Variants in JAK2 observed in about 807,000 individuals in gnomAD.
JAK2 encodes the protein tyrosine-protein kinase JAK2.
JAK2 carries 86 observed loss-of-function variants against 139.3 expected under a neutral mutation model. The observed-to-expected ratio is 0.62, with a 90% confidence interval of 0.52 to 0.74. The LOEUF is 0.74. JAK2 is among the 30% of genes least tolerant of loss of function. JAK2 has a pLI of 0.00. For missense variants in JAK2, 1,421 were observed against 1,360.3 expected, an observed-to-expected ratio of 1.04 and a Z score of -0.70; for synonymous variants, 490 against 437.7, an observed-to-expected ratio of 1.12 and a Z score of -1.49.
chr9:5,121,322 G>C (rs984261941), intron 22 of JAK2, among the ~76,000 whole-genome samples: 1 of 152,152 alleles, frequency 6.6e-6, no homozygotes, highest in Non-Finnish European at 1.5e-5. Context: ...TTTCATTCAA[G>C]TTCTTAGGAT....
At chr9:5,049,839 C>A (rs1416064796) in intron 5 of JAK2, among the ~76,000 whole-genome samples, 1 of 152,168 alleles carries the variant, frequency 6.6e-6, no homozygotes, top group African/African-American at 2.4e-5. Context: ...CTCTAGGCTA[C>A]AAACTTATAT....
At chr9:5,048,716 GA>G (rs1817203914) in intron 5 of JAK2, among the ~76,000 whole-genome samples, 1 of 151,988 alleles carries the variant, frequency 6.6e-6, no homozygotes. Context: ...TTTATTAATA[GA>G]AAAGCAAATA....
intron 19 of JAK2, 42 bp downstream of exon 19, chr9:5,081,903 AT>A: frequency 6.6e-7 from 1 of 1,518,780 alleles, no homozygotes; most frequent in South Asian, 1.2e-5. Flanking sequence ...TAATCATTTC[AT>A]TTAGGAAAAA....
In JAK2 at chr9:5,126,813, G is replaced by C. The variant is rs771905359; in HGVS notation, c.*22G>C. ...ATGAAAGAAATGACCTTCATTCTGA[G>C]ACCAAAGTAGATTTACAGAACAAAG... On this transcript the variant is annotated 3_prime_UTR_variant, in exon 25 of 25. Coordinates refer to ENST00000381652, the MANE Select transcript of JAK2 (RefSeq NM_004972.4). The C allele has an allele frequency of 7.0e-7, 1 of 1,432,542 alleles. No homozygotes were observed. The highest frequency in any genetic ancestry group is 1.4e-5 in the African/African-American group (1 of 70,556). 88.7% of individuals were successfully genotyped at this position (1,432,542 alleles called of 1,614,324 possible).
intron 2 of JAK2, among the ~76,000 whole-genome samples, chr9:4,991,764 G>A (rs747989909): frequency 3.8e-5 from 5 of 132,050 alleles, no homozygotes; most frequent in African/African-American, 5.8e-5. Context: ...GTACTTTGCC[G>A]TTTTCACCTT....
intron 2 of JAK2, among the ~76,000 whole-genome samples, chr9:4,988,324 A>G (rs1453118107): frequency 2.0e-5 from 3 of 152,216 alleles, no homozygotes; most frequent in Non-Finnish European, 4.4e-5. Flanking sequence ...GTAAAGATGT[A>G]TTTTCAGAGG....
At position 5,021,947 on chromosome 9, in the gene JAK2, T is replaced by C; in HGVS notation, c.-25-16T>C. The C allele has an allele frequency of 3.4e-6, 5 of 1,478,064 alleles. No homozygotes were observed. In the Admixed American group the frequency reaches 6.8e-5, roughly 20 times the overall value. 91.6% of individuals were successfully genotyped at this position (1,478,064 alleles called of 1,614,324 possible). A position where few individuals can be genotyped will look rare whatever the true frequency, so the allele number is the denominator to read the frequency against. ...TGCGCCCAGCCCATTTGTAACTTTA[T>C]TGTTTTCTCTTACAGGCAAATGTTC... On this transcript the variant is annotated splice_polypyrimidine_tract_variant and intron_variant, in intron 2 of 24. Coordinates refer to ENST00000381652, the MANE Select transcript of JAK2 (RefSeq NM_004972.4).
At chr9:5,011,625 G>C (rs186762424) in intron 2 of JAK2, among the ~76,000 whole-genome samples, 6 of 152,162 alleles carry the variant, frequency 3.9e-5, no homozygotes, top group Middle Eastern at 6.8e-3. Flanking sequence ...ATTTGGGTCT[G>C]CTTTGGGTCC....
chr9:5,043,842 G>A (rs1816797992), intron 4 of JAK2, among the ~76,000 whole-genome samples: 1 of 152,228 alleles, frequency 6.6e-6, no homozygotes, highest in Non-Finnish European at 1.5e-5. Flanking sequence ...AAAGAAGGCA[G>A]ACAGAAAGGC....
At chr9:5,108,044 T>G (rs1245339586) in intron 22 of JAK2, 1 of 152,124 alleles carries the variant, frequency 6.6e-6, no homozygotes, top group African/African-American at 2.4e-5. Flanking sequence ...ACCCTATTGT[T>G]TTTTAACCAA....
At chr9:4,994,463 T>G (rs1314361254) in intron 2 of JAK2, among the ~76,000 whole-genome samples, 2 of 152,206 alleles carry the variant, frequency 1.3e-5, no homozygotes, top group East Asian at 3.8e-4. Flanking sequence ...AGTTCCCAGG[T>G]GATCTGATAA....
At chr9:5,071,806 A>G (rs1209099334) in intron 12 of JAK2, among the ~76,000 whole-genome samples, 6 of 152,214 alleles carry the variant, frequency 3.9e-5, no homozygotes, top group Admixed American at 3.9e-4. Flanking sequence ...TAACATTACA[A>G]ATCTAATAAA....
At chr9:5,007,610 C>CT (rs113457222) in intron 2 of JAK2, among the ~76,000 whole-genome samples, 15,641 of 151,974 alleles carry the variant, frequency 0.1, 2,456 homozygotes, top group African/African-American at 0.34. Context: ...ACTTAATATA[C>CT]TTTTATTAGG....
At chr9:5,044,857 T>G (rs1222371394) in intron 5 of JAK2, among the ~76,000 whole-genome samples, 1 of 152,170 alleles carries the variant, frequency 6.6e-6, no homozygotes, top group African/African-American at 2.4e-5. Context: ...TTAGTAACAT[T>G]TCTTTATGGT....
chr9:5,041,078 C>T (rs1563948470), intron 4 of JAK2: 2 of 694,142 alleles, frequency 2.9e-6, no homozygotes, highest in South Asian at 3.0e-5. Context: ...AGGTCTACTA[C>T]CTACTACAGC....
chr9:5,058,093 G>C lies in JAK2; in HGVS notation c.1056+2305G>C, dbSNP rs549352199. Among the ~76,000 whole-genome samples, 3 of 152,090 alleles carry C rather than the reference G, an allele frequency of 2.0e-5. No homozygotes were observed. In the East Asian group the frequency reaches 5.8e-4, roughly 29 times the overall value. On this transcript the variant is annotated intron_variant, in intron 8 of 24. Transcript: ENST00000381652. ...CACATTTGTTCATTCATCCATCAATGAATATTCAGGTCACTTTTTTACTTT... is the reference window on the plus strand; with the variant it reads ...CACATTTGTTCATTCATCCATCAATCAATATTCAGGTCACTTTTTTACTTT...
intron 19 of JAK2, among the ~76,000 whole-genome samples, chr9:5,083,822 A>G (rs1819882860): frequency 6.6e-6 from 1 of 152,178 alleles, no homozygotes; most frequent in South Asian, 2.1e-4. Context: ...CTGCTTATAG[A>G]GAAATTGGAA....
chr9:5,027,702 A>G (rs1332155515), intron 3 of JAK2, among the ~76,000 whole-genome samples: 1 of 152,238 alleles, frequency 6.6e-6, no homozygotes, highest in Non-Finnish European at 1.5e-5. Context: ...AAGTTGATGT[A>G]GTATTATAAA....
chr9:5,108,855 G>C (rs769885031), intron 22 of JAK2: 1 of 152,062 alleles, frequency 6.6e-6, no homozygotes, highest in Non-Finnish European at 1.5e-5. Flanking sequence ...TACAGGTGCC[G>C]TCACCCTTAT....
Sources: gnomAD v4.1 joint callset for allele counts (sites outside exome capture counted in the v4.1 genomes callset) on GRCh38, gnomAD v4.1.1 for gene constraint, MANE v1.5 for transcripts, NCBI Gene and HGNC (gene_info 2026-07-23, HGNC 2026-07-21) for gene names.